The following TTC7B variants were observed in gnomAD, a reference collection of about 807,000 sequenced individuals.
TTC7B encodes the protein tetratricopeptide repeat protein 7B.
TTC7B carries 28 observed loss-of-function variants against 106.8 expected under a neutral mutation model. That is an observed-to-expected ratio of 0.26 (90% CI 0.19 to 0.36). The LOEUF (loss-of-function observed/expected upper bound fraction) is 0.36. Among genes scored for constraint, TTC7B ranks in the 10% least tolerant of loss-of-function variants. The pLI is 1.00. For missense variants in TTC7B, 862 were observed against 1,076.4 expected (o/e 0.80, Z 2.79); for synonymous variants, 405 against 430.6 (o/e 0.94, Z 0.74).
intron 9 of TTC7B, among the ~76,000 whole-genome samples, chr14:90,669,281 C>A (rs1248761910): frequency 6.6e-6 from 1 of 152,088 alleles, no homozygotes; most frequent in African/African-American, 2.4e-5. Context: ...AAGAATTAAA[C>A]CTTCATGACC....
chr14:90,797,705 C>A (rs1258759399), intron 1 of TTC7B, among the ~76,000 whole-genome samples: 1 of 152,094 alleles, frequency 6.6e-6, no homozygotes, highest in Admixed American at 6.6e-5. Flanking sequence ...CCCAGAAATT[C>A]CAGTTTTAAG....
intron 14 of TTC7B, among the ~76,000 whole-genome samples, chr14:90,646,261 C>T (rs1265193582): frequency 6.6e-6 from 1 of 152,180 alleles, no homozygotes; most frequent in Non-Finnish European, 1.5e-5. Context: ...GCTGGGGTTA[C>T]CACCAGTGTC....
At chr14:90,804,431 G>A (rs1474225417) in intron 1 of TTC7B, among the ~76,000 whole-genome samples, 1 of 152,198 alleles carries the variant, frequency 6.6e-6, no homozygotes, top group Non-Finnish European at 1.5e-5. Flanking sequence ...CTGGTGGTGT[G>A]GAGAGGCCCC....
chr14:90,711,453 G>T (rs148923257), intron 5 of TTC7B, among the ~76,000 whole-genome samples: 1 of 152,110 alleles, frequency 6.6e-6, no homozygotes, highest in African/African-American at 2.4e-5. Flanking sequence ...ATGGAGTCTC[G>T]CTCTGTTGCC....
intron 5 of TTC7B, among the ~76,000 whole-genome samples, chr14:90,707,901 C>T (rs1888275236): frequency 6.6e-6 from 1 of 152,074 alleles, no homozygotes; most frequent in Non-Finnish European, 1.5e-5. Context: ...AATCCCAGCA[C>T]TTTGGGAGGC....
At chr14:90,618,354 C>T (rs1037360291) in intron 15 of TTC7B, among the ~76,000 whole-genome samples, 7 of 152,238 alleles carry the variant, frequency 4.6e-5, no homozygotes, top group African/African-American at 1.7e-4. Context: ...TAGAACCAAA[C>T]CAATTTATTT....
At chr14:90,679,155 T>C (rs1188597592) in intron 8 of TTC7B, among the ~76,000 whole-genome samples, 1 of 152,196 alleles carries the variant, frequency 6.6e-6, no homozygotes, top group African/African-American at 2.4e-5. Flanking sequence ...AGTTATCAGC[T>C]GACTATCGGG....
Position 90,657,404 on chromosome 14 carries a change from C to G in TTC7B, c.1237-126G>C, listed in dbSNP as rs1462061884. 20 of 793,580 alleles carry G rather than the reference C, an allele frequency of 2.5e-5. No homozygotes were observed. Among genetic ancestry groups the G allele is most frequent in the Non-Finnish European group, 3.6e-5 (18 of 501,548 alleles). 49.2% of individuals were successfully genotyped at this position (793,580 alleles called of 1,614,324 possible). A position where few individuals can be genotyped will look rare whatever the true frequency, so the allele number is the denominator to read the frequency against. Reference sequence around the variant, plus strand: ...GGGCTTGTCCAACTTTAAGCCCAAGCAAGCGGGGGCCTGAGGTGCATGAAA... The same window carrying G: ...GGGCTTGTCCAACTTTAAGCCCAAGGAAGCGGGGGCCTGAGGTGCATGAAA... On this transcript the variant is annotated intron_variant, in intron 10 of 19. Transcript: ENST00000328459. The surrounding 1 kb of genome is among the most constrained non-coding windows in gnomAD (Gnocchi z 4.2).
intron 5 of TTC7B, among the ~76,000 whole-genome samples, chr14:90,717,685 T>TA (rs1040613231): frequency 6.6e-6 from 1 of 152,190 alleles, no homozygotes; most frequent in Admixed American, 6.5e-5. Context: ...GATGATTTTT[T>TA]AAAAACAGGT....
rs1265073342 is a variant in TTC7B, at chr14:90,624,311, G to A, written c.1752-6266C>T. 6.6e-6 allele frequency among the ~76,000 whole-genome samples: 1 copy of A among 152,212 alleles called. No homozygotes were observed. The highest frequency in any genetic ancestry group is 1.9e-4 in the East Asian group (1 of 5,198). ...ATAACAACTATGTTTGGATAGGGCAGGGCTTAGAAAGAAGACACAACTGCC... is the reference window on the plus strand; with the variant it reads ...ATAACAACTATGTTTGGATAGGGCAAGGCTTAGAAAGAAGACACAACTGCC... On this transcript the variant is annotated intron_variant, in intron 15 of 19. Transcript: ENST00000328459. This position sits in a 1 kb window ranked among gnomAD's most constrained non-coding sequence, Gnocchi z 4.0.
intron 5 of TTC7B, among the ~76,000 whole-genome samples, chr14:90,720,265 T>G (rs955223720): frequency 3.3e-5 from 5 of 152,140 alleles, no homozygotes; most frequent in Non-Finnish European, 7.3e-5. Flanking sequence ...GACCACCAAT[T>G]GTAGGTTAAT....
chr14:90,651,015 T>C (rs150817964), intron 13 of TTC7B, among the ~76,000 whole-genome samples: 9 of 152,378 alleles, frequency 5.9e-5, no homozygotes, highest in African/African-American at 1.7e-4. Flanking sequence ...CCTTCCTGAA[T>C]TGTGTTTTCT....
rs1322875897 is a variant in TTC7B, at chr14:90,657,997, C to T, written c.1236+307G>A. 8.2e-6 allele frequency: 3 copies of T among 363,986 alleles called. No individual in the cohort carries two copies. Among genetic ancestry groups the T allele is most frequent in the African/African-American group, 4.2e-5 (2 of 48,104 alleles). 22.5% of individuals were successfully genotyped at this position (363,986 alleles called of 1,614,324 possible). On this transcript the variant is annotated intron_variant, in intron 10 of 19. Coordinates refer to ENST00000328459, the MANE Select transcript of TTC7B (RefSeq NM_001010854.2). The surrounding 1 kb of genome is among the most constrained non-coding windows in gnomAD (Gnocchi z 4.2). ...GTTTCCCCTCCAGGAATCAGCTTAA[C>T]TCTCAGATGAGTGGAGGTGTCTGTG...
At chr14:90,668,175 T>C (rs1283659149) in intron 9 of TTC7B, among the ~76,000 whole-genome samples, 3 of 151,212 alleles carry the variant, frequency 2.0e-5, no homozygotes, top group African/African-American at 7.3e-5. Context: ...CTTGCCCTAC[T>C]GCTCCAAAAA....
chr14:90,751,862 G>A (rs1890147930), intron 3 of TTC7B, among the ~76,000 whole-genome samples: 1 of 152,178 alleles, frequency 6.6e-6, no homozygotes. Flanking sequence ...AAAAGAATAA[G>A]AGTCTCAGAA....
In TTC7B at chr14:90,742,537, GT is replaced by G. The variant is rs35568549; in HGVS notation, c.576+2254del. The stretch of plus-strand genomic sequence containing the variant: ...TGGAGAAATGTCATGCTTTTTCTTT[GT>G]TTGCAGCAGCCTGGGAGAATAAAGT... On this transcript the variant is annotated intron_variant, in intron 4 of 19. Transcript: ENST00000328459. This position sits in a 1 kb window ranked among gnomAD's most constrained non-coding sequence, Gnocchi z 4.1. 7.8e-3 allele frequency among the ~76,000 whole-genome samples: 1,188 copies of G among 152,190 alleles called. 21 individuals are homozygous for G. Among genetic ancestry groups the G allele is most frequent in the African/African-American group, 0.027 (1,137 of 41,528 alleles).
chr14:90,618,990 A>G (rs182367144), intron 15 of TTC7B, among the ~76,000 whole-genome samples: 1 of 152,008 alleles, frequency 6.6e-6, no homozygotes, highest in Non-Finnish European at 1.5e-5. Context: ...TGCAACCTCT[A>G]CCTCCTAGGT....
intron 15 of TTC7B, among the ~76,000 whole-genome samples, chr14:90,618,567 C>G (rs74081238): frequency 1.3e-5 from 2 of 152,204 alleles, no homozygotes; most frequent in South Asian, 4.1e-4. Flanking sequence ...TCTTCCCATT[C>G]CTGCTACTGA....
At chr14:90,665,400 C>A (rs908755448) in intron 9 of TTC7B, among the ~76,000 whole-genome samples, 6 of 152,220 alleles carry the variant, frequency 3.9e-5, no homozygotes, top group Admixed American at 2.6e-4. Flanking sequence ...CCTTTCCAGT[C>A]TCTTTTTCCA....
Sources: allele counts gnomAD v4.1 joint callset (sites outside exome capture counted in the v4.1 genomes callset), GRCh38; gene constraint gnomAD v4.1.1; non-coding constraint Gnocchi (gnomAD v3.1); transcripts MANE v1.5; gene names NCBI Gene and HGNC (gene_info 2026-07-23, HGNC 2026-07-21).